Variants in PSPC1 observed in about 807,000 individuals in gnomAD.
PSPC1 encodes paraspeckle protein 1.
In PSPC1, 14 loss-of-function variants were observed where a neutral mutation model predicts 51.6. That is an observed-to-expected ratio of 0.27 (90% CI 0.18 to 0.42). The LOEUF (loss-of-function observed/expected upper bound fraction) is 0.42. PSPC1 is among the 10% of genes least tolerant of loss of function. The pLI is 1.00. For missense variants in PSPC1, 406 were observed against 701.1 expected (o/e 0.58, Z 4.75); for synonymous variants, 193 against 231.9 (o/e 0.83, Z 1.53).
At chr13:19,762,876 C>T (rs1311860818) in intron 2 of PSPC1, among the ~76,000 whole-genome samples, 1 of 152,112 alleles carries the variant, frequency 6.6e-6, no homozygotes, top group Non-Finnish European at 1.5e-5. Flanking sequence ...CTTTGGGAGG[C>T]CAAGGCAGGT....
chr13:19,682,622 T>C (rs1371683199), intron 6 of PSPC1, among the ~76,000 whole-genome samples: 2 of 151,846 alleles, frequency 1.3e-5, no homozygotes, highest in Non-Finnish European at 2.9e-5. Flanking sequence ...ATATATTCAC[T>C]AAAATGGCTA....
intron 3 of PSPC1, among the ~76,000 whole-genome samples, chr13:19,758,882 G>T (rs534943879): frequency 6.6e-6 from 1 of 151,576 alleles, no homozygotes; most frequent in Non-Finnish European, 1.5e-5. Context: ...AGATTTCATC[G>T]TTTTTCTGGC....
intron 4 of PSPC1, among the ~76,000 whole-genome samples, chr13:19,748,086 A>T (rs1327300369): frequency 6.6e-6 from 1 of 152,108 alleles, no homozygotes; most frequent in Admixed American, 6.6e-5. Context: ...GGTGGTGTAC[A>T]CCTGTAATCC....
At chr13:19,778,635 G>C (rs1202624675) in intron 1 of PSPC1, among the ~76,000 whole-genome samples, 1 of 127,232 alleles carries the variant, frequency 7.9e-6, no homozygotes, top group Non-Finnish European at 1.7e-5. Flanking sequence ...GGCCTCCCGA[G>C]GTGCCGGGAT....
chr13:19,700,241 G>C (rs1879741190), downstream of PSPC1, among the ~76,000 whole-genome samples: 1 of 151,992 alleles, frequency 6.6e-6, no homozygotes, highest in Non-Finnish European at 1.5e-5. Context: ...TATTCAACAA[G>C]TATGTTTCTC....
chr13:19,727,118 G>T (rs545362343), intron 6 of PSPC1, among the ~76,000 whole-genome samples: 2 of 152,346 alleles, frequency 1.3e-5, no homozygotes, highest in Admixed American at 1.3e-4. Flanking sequence ...TCTCAGCTGG[G>T]TGTGGTGGCT....
chr13:19,687,612 A>T (rs550474248), intron 6 of PSPC1, among the ~76,000 whole-genome samples: 1 of 152,100 alleles, frequency 6.6e-6, no homozygotes, highest in East Asian at 1.9e-4. Flanking sequence ...GCACCAAAAT[A>T]CCTATCATTT....
chr13:19,700,359 C>G (rs986212527), downstream of PSPC1, among the ~76,000 whole-genome samples: 5 of 151,990 alleles, frequency 3.3e-5, no homozygotes, highest in Non-Finnish European at 7.4e-5. Flanking sequence ...GCAATTCCAG[C>G]TAAAACAGAT....
At chr13:19,707,882 A>G (rs1205917186) in intron 7 of PSPC1, among the ~76,000 whole-genome samples, 2 of 152,190 alleles carry the variant, frequency 1.3e-5, no homozygotes, top group African/African-American at 4.8e-5. Flanking sequence ...CCTTAAAATT[A>G]CATGGATTAT....
At chr13:19,735,371 T>C (rs1388394317) in intron 5 of PSPC1, among the ~76,000 whole-genome samples, 1 of 151,958 alleles carries the variant, frequency 6.6e-6, no homozygotes, top group East Asian at 1.9e-4. Flanking sequence ...AGAGAAGGAA[T>C]GAAGGAATAA....
intron 2 of PSPC1, among the ~76,000 whole-genome samples, chr13:19,762,249 C>T (rs1887664596): frequency 6.6e-6 from 1 of 152,170 alleles, no homozygotes; most frequent in African/African-American, 2.4e-5. Context: ...TCTGAAGAAA[C>T]ATAAACCAGT....
At chr13:19,774,819 C>CAAAAAAAAAAAAAAAA (rs1301247582) in intron 1 of PSPC1, among the ~76,000 whole-genome samples, 1 of 135,722 alleles carries the variant, frequency 7.4e-6, no homozygotes, top group Non-Finnish European at 1.6e-5. Flanking sequence ...AAAAAAAAAA[C>CAAAAAAAAAAAAAAAA]AAAAAAAAAA....
chr13:19,688,082 T>G (rs1014654153), intron 6 of PSPC1, among the ~76,000 whole-genome samples: 19 of 152,114 alleles, frequency 1.2e-4, no homozygotes, highest in African/African-American at 4.6e-4. Context: ...ACACACTCAC[T>G]AAGATAGATA....
chr13:19,762,213 T>A (rs1176523013), intron 2 of PSPC1, among the ~76,000 whole-genome samples: 1 of 152,200 alleles, frequency 6.6e-6, no homozygotes, highest in Non-Finnish European at 1.5e-5. Flanking sequence ...CCACTCTATA[T>A]ATCATCTTGC....
intron 5 of PSPC1, among the ~76,000 whole-genome samples, chr13:19,730,581 T>C (rs1177719036): frequency 6.6e-6 from 1 of 151,820 alleles, no homozygotes; most frequent in Non-Finnish European, 1.5e-5. Flanking sequence ...CAAAGTAAAA[T>C]CATAACTAGG....
intron 6 of PSPC1, among the ~76,000 whole-genome samples, chr13:19,715,864 A>T (rs1474384444): frequency 6.6e-6 from 1 of 152,042 alleles, no homozygotes; most frequent in Non-Finnish European, 1.5e-5. Context: ...ATACAAAAAA[A>T]TTAGCTGGGC....
chr13:19,726,424 A>G (rs944808206), intron 6 of PSPC1, among the ~76,000 whole-genome samples: 1 of 152,238 alleles, frequency 6.6e-6, no homozygotes, highest in Non-Finnish European at 1.5e-5. Context: ...ACTGAATCTC[A>G]GGCATTTTTC....
At chr13:19,675,269 C>A (rs1046014408) in intron 7 of PSPC1, 1 of 152,132 alleles carries the variant, frequency 6.6e-6, no homozygotes, top group Non-Finnish European at 1.5e-5. Context: ...TTTTAAAACT[C>A]CTCTAATGGT....
chr13:19,777,797 T>C (rs999478623), intron 1 of PSPC1, among the ~76,000 whole-genome samples: 1 of 151,722 alleles, frequency 6.6e-6, no homozygotes, highest in African/African-American at 2.4e-5. Flanking sequence ...AATACAAAAA[T>C]TAGCCAGGCC....
Sources: gnomAD v4.1 joint callset for allele counts (sites outside exome capture counted in the v4.1 genomes callset) on GRCh38, gnomAD v4.1.1 for gene constraint, MANE v1.5 for transcripts, NCBI Gene and HGNC (gene_info 2026-07-23, HGNC 2026-07-21) for gene names.